ATPAF2: variants seen among roughly 807,000 people sequenced by gnomAD.
ATPAF2 encodes the protein ATP12 homolog.
A neutral mutation model predicts 36.6 loss-of-function variants in ATPAF2; 30 were observed. That is an observed-to-expected ratio of 0.82 (90% CI 0.61 to 1.11). The LOEUF (loss-of-function observed/expected upper bound fraction) is 1.11. Ranked by LOEUF, ATPAF2 falls within the 50% of genes most tolerant of loss-of-function variation. The probability of loss-of-function intolerance (pLI) is 0.00; values close to 1 mark genes in which losing one functional copy is unlikely to be tolerated. For missense variants in ATPAF2, 321 were observed against 372.3 expected (o/e 0.86, Z 1.13); for synonymous variants, 140 against 152.6 (o/e 0.92, Z 0.61).
chr17:18,026,589 C>T, intron 3 of ATPAF2, 173 bp from the exon 4 acceptor site: 1 of 653,654 alleles, frequency 1.5e-6, no homozygotes, highest in Non-Finnish European at 2.8e-6. Context: ...GTGCCACAAC[C>T]AGGCTCCATG....
rs538142940 is a variant in ATPAF2, at chr17:18,032,695, C to T, written c.134-4036G>A. 4.1e-4 allele frequency among the ~76,000 whole-genome samples: 63 copies of T among 152,316 alleles called. 1 individual carries two copies. The South Asian group carries it at 0.013, about 31-fold the overall frequency. On this transcript the variant is annotated intron_variant, in intron 1 of 7. Transcript: ENST00000474627. ...CATCTCTGCACTCTCCAGCCATTTACTGTCTAGTAGGAATACAGACACTAA... is the reference window on the plus strand; with the variant it reads ...CATCTCTGCACTCTCCAGCCATTTATTGTCTAGTAGGAATACAGACACTAA...
At chr17:18,034,792 G>C (rs1224165803) in intron 1 of ATPAF2, among the ~76,000 whole-genome samples, 2 of 152,204 alleles carry the variant, frequency 1.3e-5, no homozygotes, top group African/African-American at 4.8e-5. Context: ...GTTCATAGTA[G>C]CGTTATTCAT....
intron 1 of ATPAF2, among the ~76,000 whole-genome samples, chr17:18,031,050 G>C (rs887691484): frequency 2.8e-5 from 4 of 141,904 alleles, no homozygotes; most frequent in Admixed American, 2.3e-4. Flanking sequence ...TCGGTTCACT[G>C]CAAGTTCTGC....
intron 7 of ATPAF2, among the ~76,000 whole-genome samples, chr17:18,019,307 G>A (rs2044434755): frequency 6.6e-6 from 1 of 152,210 alleles, no homozygotes; most frequent in Non-Finnish European, 1.5e-5. Context: ...CCACCACTGG[G>A]CAGGCTGGGT....
At chr17:18,028,750 G>A (rs1444207310) in intron 1 of ATPAF2, 91 bp from the exon 2 acceptor site, 6 of 1,185,598 alleles carry the variant, frequency 5.1e-6, no homozygotes, top group Non-Finnish European at 6.3e-6. Flanking sequence ...TACTGCTAAT[G>A]TTGATTGATT....
At chr17:18,025,750 A>G (rs2044535309) in intron 4 of ATPAF2, 2 of 173,688 alleles carry the variant, frequency 1.2e-5, no homozygotes, top group Admixed American at 1.1e-4. Context: ...ACCCCCTTCG[A>G]AAGCACGCCT....
intron 1 of ATPAF2, among the ~76,000 whole-genome samples, chr17:18,031,972 C>T (rs2044643599): frequency 6.6e-6 from 1 of 152,186 alleles, no homozygotes; most frequent in Non-Finnish European, 1.5e-5. Flanking sequence ...AAATGGCAGG[C>T]TAGACATGGG....
chr17:18,026,326 T>C lies in ATPAF2; in HGVS notation c.415A>G (p.Thr139Ala), dbSNP rs2044544881. Residue 139 changes from threonine (T) to alanine (A), a missense_variant, in exon 4 of 8, where the codon ACC (threonine) becomes GCC (alanine). Coordinates refer to ENST00000474627, the MANE Select transcript of ATPAF2 (RefSeq NM_145691.4). ...CATCTAAATGTCCATTACCAGATGG[T>C]GTCGGTGTCCAGAAACTTCACGGCT... is the stretch of plus-strand genomic sequence containing the variant. Reference protein sequence around the residue: ...RAAVKFLDTDTICYRVEEPET... With the variant: ...RAAVKFLDTDAICYRVEEPET... 2 of 1,614,024 alleles carry C rather than the reference T, an allele frequency of 1.2e-6. No individual in the cohort carries two copies. The highest frequency in any genetic ancestry group is 1.1e-5 in the South Asian group (1 of 91,086).
chr17:18,031,033 C>T (rs1286419569), intron 1 of ATPAF2, among the ~76,000 whole-genome samples: 2 of 139,170 alleles, frequency 1.4e-5, no homozygotes, highest in Non-Finnish European at 3.0e-5. Context: ...AGTGCAGTGG[C>T]GCGATCTCGG....
chr17:18,035,093 G>A (rs527995376), intron 1 of ATPAF2, among the ~76,000 whole-genome samples: 1 of 152,264 alleles, frequency 6.6e-6, no homozygotes, highest in African/African-American at 2.4e-5. Context: ...GCCGGGCATG[G>A]TGGTGTGTGC....
intron 1 of ATPAF2, among the ~76,000 whole-genome samples, chr17:18,031,141 T>G (rs2044628236): frequency 6.7e-6 from 1 of 149,568 alleles, no homozygotes; most frequent in African/African-American, 2.5e-5. Context: ...CCTGGCTAAT[T>G]TTTTGCATTT....
intron 7 of ATPAF2, among the ~76,000 whole-genome samples, chr17:18,019,934 C>T (rs934354146): frequency 1.3e-5 from 2 of 152,182 alleles, no homozygotes; most frequent in African/African-American, 4.8e-5. Flanking sequence ...AAGCAGAGCC[C>T]AGACTGGCTT....
At chr17:18,025,929 T>C (rs2044538365) in intron 4 of ATPAF2, 2 of 331,904 alleles carry the variant, frequency 6.0e-6, no homozygotes, top group Non-Finnish European at 1.2e-5. Context: ...AATTCAGAAC[T>C]GGAGAAGGAC....
chr17:18,021,346 A>G, intron 6 of ATPAF2, 108 bp from the exon 7 acceptor site: 2 of 838,908 alleles, frequency 2.4e-6, no homozygotes, highest in Non-Finnish European at 4.0e-6. Context: ...TGGTGCAAAG[A>G]GCCATCCAGC....
intron 4 of ATPAF2, 116 bp from the exon 5 acceptor site, chr17:18,024,820 C>T: frequency 1.2e-6 from 1 of 845,588 alleles, no homozygotes; most frequent in Non-Finnish European, 2.0e-6. Flanking sequence ...CCATCCCAGC[C>T]CCACAAGTCT....
rs778802460 is a variant in ATPAF2, at chr17:18,021,784, C to G, written c.577G>C (p.Val193Leu). 5.0e-6 allele frequency: 8 copies of G among 1,614,022 alleles called. No individual in the cohort carries two copies. Among genetic ancestry groups the G allele is most frequent in the Non-Finnish European group, 3.4e-6 (4 of 1,180,032 alleles). The change falls in exon 6 of 8, where the codon GTC becomes CTC. Residue 193 changes from valine to leucine, a missense_variant. Physicochemically the swap from Val to Leu is conservative, Grantham distance 32. This residue lies in a region of ATPAF2 where 199 missense variants were observed against 220.6 expected (regional missense o/e 0.90). Coordinates refer to ENST00000474627, the MANE Select transcript of ATPAF2 (RefSeq NM_145691.4). ...GTGTTGTAAGATGCCAGGTGGCTGA[C>G]GAGCACCTCCCGAGTTTTGGCAGGG... ...SIPAKTREVL[V>L]SHLASYNTWA... is the part of the protein sequence containing the mutation.
At chr17:18,037,270 C>T (rs2044715658) in intron 1 of ATPAF2, among the ~76,000 whole-genome samples, 1 of 151,888 alleles carries the variant, frequency 6.6e-6, no homozygotes, top group African/African-American at 2.4e-5. Flanking sequence ...CCTGCTGCAT[C>T]CAGCCCCCTT....
chr17:18,025,117 C>T (rs1161038922), intron 4 of ATPAF2: 3 of 323,828 alleles, frequency 9.3e-6, no homozygotes, highest in Non-Finnish European at 1.8e-5. Flanking sequence ...GGTCCACACC[C>T]GCTTGACCCA....
At chr17:18,033,385 T>C (rs975072844) in intron 1 of ATPAF2, among the ~76,000 whole-genome samples, 30 of 144,276 alleles carry the variant, frequency 2.1e-4, no homozygotes, top group Non-Finnish European at 2.4e-4. Context: ...AAAAAGAACA[T>C]GATCTGGACA....
Sources: gnomAD v4.1 joint callset for allele counts (sites outside exome capture counted in the v4.1 genomes callset) on GRCh38, gnomAD v4.1.1 for gene constraint, gnomAD v4.1.1 regional missense constraint, MANE v1.5 for transcripts, NCBI Gene and HGNC (gene_info 2026-07-23, HGNC 2026-07-21) for gene names.